VCL: variants seen among roughly 807,000 people sequenced by gnomAD.
VCL encodes vinculin.
In VCL, 47 loss-of-function variants were observed where a neutral mutation model predicts 125.7. The ratio of observed to expected loss-of-function variants is 0.37; its 90% CI spans 0.30 to 0.48. VCL has a LOEUF of 0.48. VCL is among the 20% of genes least tolerant of loss of function. The pLI is 0.99. For missense variants in VCL, 1,069 were observed against 1,455.5 expected (o/e 0.73, Z 4.32); for synonymous variants, 458 against 514.6 (o/e 0.89, Z 1.49).
chr10:74,031,495 T>A (rs1252854928), intron 1 of VCL, among the ~76,000 whole-genome samples: 1 of 152,130 alleles, frequency 6.6e-6, no homozygotes, highest in African/African-American at 2.4e-5. Context: ...GCTAAAACTA[T>A]AAAATTCTTA....
At chr10:74,068,726 C>T (rs906472767) in intron 2 of VCL, among the ~76,000 whole-genome samples, 6 of 152,072 alleles carry the variant, frequency 3.9e-5, no homozygotes, top group African/African-American at 1.2e-4. Flanking sequence ...GGGAAATGTA[C>T]ATTTTTGCTT....
intron 1 of VCL, among the ~76,000 whole-genome samples, chr10:74,005,860 T>C (rs1840316095): frequency 6.6e-6 from 1 of 152,038 alleles, no homozygotes; most frequent in Admixed American, 6.6e-5. Flanking sequence ...TTATTTTTAT[T>C]GTTGTATTGT....
At chr10:74,099,654 G>T (rs951240553) in intron 13 of VCL, among the ~76,000 whole-genome samples, 1 of 152,186 alleles carries the variant, frequency 6.6e-6, no homozygotes, top group Admixed American at 6.5e-5. Context: ...AGAAAAGCAA[G>T]TTAAGCAGTT....
At position 73,998,163 on chromosome 10, in the gene VCL, C is replaced by T; in HGVS notation, c.-45C>T. The T allele has an allele frequency of 6.2e-7, 1 of 1,601,214 alleles. No individual in the cohort carries two copies. The highest frequency in any genetic ancestry group is 8.5e-7 in the Non-Finnish European group (1 of 1,174,042). On this transcript the variant is annotated 5_prime_UTR_variant, in exon 1 of 22. Coordinates refer to ENST00000211998, the MANE Select transcript of VCL (RefSeq NM_014000.3). ...TCGCCGGTTCCCGGCCCCGTGGATC[C>T]TACTTCTCTGTCGCCCGCGGTTCGC...
intron 1 of VCL, among the ~76,000 whole-genome samples, chr10:74,042,514 T>G (rs1466108622): frequency 6.6e-6 from 1 of 152,214 alleles, no homozygotes; most frequent in Non-Finnish European, 1.5e-5. Context: ...ATTCCATTGT[T>G]GCATTCAGCA....
In VCL at chr10:74,094,351, A is replaced by T; in HGVS notation, c.1433A>T (p.Asn478Ile). Residue 478 changes from asparagine to isoleucine, a missense_variant, in exon 11 of 22, where the codon AAC (asparagine) becomes ATC (isoleucine). Transcript: ENST00000211998. ...CTGCAGAACCTGCAGACCAAAACCA[A>T]CCGGGCTGTGGCCAACAGCAGACCG... ...TALQNLQTKTNRAVANSRPAK... is the reference protein window; with the variant it reads ...TALQNLQTKTIRAVANSRPAK... 6.2e-7 allele frequency: 1 copy of T among 1,614,122 alleles called. No homozygotes were observed. The highest frequency in any genetic ancestry group is 8.5e-7 in the Non-Finnish European group (1 of 1,180,010).
intron 1 of VCL, among the ~76,000 whole-genome samples, chr10:74,042,533 TC>T (rs1841113846): frequency 6.6e-6 from 1 of 152,222 alleles, no homozygotes; most frequent in Admixed American, 6.5e-5. Context: ...CATTATATAT[TC>T]TTTCTTTTTA....
In VCL at chr10:74,051,689, T is replaced by C. The variant is rs113567756; in HGVS notation, c.239+8536T>C. ...TTTACAATAGTCTCTTCTTCTAACA[T>C]AATAGTTATTGTGAGGTTTAAATGA... is the stretch of plus-strand genomic sequence containing the variant. On this transcript the variant is annotated intron_variant, in intron 2 of 21. Transcript: ENST00000211998. Among the ~76,000 whole-genome samples, 11 of 152,344 alleles carry C rather than the reference T, an allele frequency of 7.2e-5. 1 individual carries two copies. Among genetic ancestry groups the C allele is most frequent in the African/African-American group, 2.6e-4 (11 of 41,584 alleles).
chr10:74,057,249 T>C (rs1841404813), intron 2 of VCL, among the ~76,000 whole-genome samples: 1 of 152,010 alleles, frequency 6.6e-6, no homozygotes, highest in African/African-American at 2.4e-5. Context: ...CTGGCTCTAT[T>C]TTTATTATTT....
chr10:74,017,336 C>T (rs1439516625), intron 1 of VCL, among the ~76,000 whole-genome samples: 3 of 152,034 alleles, frequency 2.0e-5, no homozygotes, highest in African/African-American at 4.8e-5. Context: ...CGTGAGCCAC[C>T]GCGCCCGGCC....
At chr10:74,100,807 G>A (rs1840040495) in intron 13 of VCL, 141 bp from the exon 14 acceptor site, 3 of 1,010,824 alleles carry the variant, frequency 3.0e-6, no homozygotes, top group Non-Finnish European at 4.5e-6. Context: ...GAGTTTGACT[G>A]TTGTTTTATT....
chr10:74,085,181 C>A (rs571325939), intron 8 of VCL, among the ~76,000 whole-genome samples: 1 of 152,222 alleles, frequency 6.6e-6, no homozygotes, highest in Non-Finnish European at 1.5e-5. Context: ...GCGTGAGCCA[C>A]CACTCCTGGC....
chr10:74,064,859 T>G (rs1841541371), intron 2 of VCL, among the ~76,000 whole-genome samples: 1 of 152,204 alleles, frequency 6.6e-6, no homozygotes, highest in Non-Finnish European at 1.5e-5. Context: ...TTTTAGTGCC[T>G]TAAGACCACA....
At chr10:74,011,162 T>A (rs2136227029) in intron 1 of VCL, among the ~76,000 whole-genome samples, 3 of 77,362 alleles carry the variant, frequency 3.9e-5, no homozygotes, top group Non-Finnish European at 4.5e-5. Context: ...TGAAACTCTA[T>A]CTCAAAAAAA....
intron 16 of VCL, among the ~76,000 whole-genome samples, chr10:74,106,412 G>A (rs1840135302): frequency 6.6e-6 from 1 of 152,262 alleles, no homozygotes; most frequent in African/African-American, 2.4e-5. Flanking sequence ...GAGGGCTTAA[G>A]TTGATCTGTG....
At chr10:74,083,586 C>T (rs1839715265) in intron 8 of VCL, 73 bp downstream of exon 8, 3 of 1,576,398 alleles carry the variant, frequency 1.9e-6, no homozygotes, top group East Asian at 2.3e-5. Context: ...GAAAACAAGC[C>T]TCTGCCAGTT....
chr10:73,999,258 G>C (rs1314365279), intron 1 of VCL, among the ~76,000 whole-genome samples: 1 of 152,142 alleles, frequency 6.6e-6, no homozygotes, highest in Non-Finnish European at 1.5e-5. Flanking sequence ...TGGAATCTGG[G>C]ATCTGCCGCC....
intron 21 of VCL, among the ~76,000 whole-genome samples, chr10:74,115,596 G>C (rs1840300102): frequency 6.6e-6 from 1 of 152,038 alleles, no homozygotes; most frequent in Non-Finnish European, 1.5e-5. Flanking sequence ...TCCAGTGCCT[G>C]TTCATTTCAA....
chr10:74,096,413 A>C (rs1411624784), intron 12 of VCL, among the ~76,000 whole-genome samples: 2 of 152,192 alleles, frequency 1.3e-5, no homozygotes, highest in African/African-American at 4.8e-5. Flanking sequence ...CTTGGGTTTG[A>C]TAAGCTAGTT....
Sources: allele counts gnomAD v4.1 joint callset (sites outside exome capture counted in the v4.1 genomes callset), GRCh38; gene constraint gnomAD v4.1.1; transcripts MANE v1.5; gene names NCBI Gene and HGNC (gene_info 2026-07-23, HGNC 2026-07-21).